Variants in CELF2 observed in about 807,000 individuals in gnomAD.
The protein encoded by CELF2 is CUGBP Elav-like family member 2, also known as CUG triplet repeat RNA-binding protein 2.
A neutral mutation model predicts 62.6 loss-of-function variants in CELF2; 8 were observed. That is an observed-to-expected ratio of 0.13 (90% CI 0.07 to 0.23). The LOEUF (loss-of-function observed/expected upper bound fraction) is 0.23, where lower values mean the gene tolerates loss of function less well. CELF2 is among the 10% of genes least tolerant of loss of function. CELF2 has a pLI of 1.00. For missense variants in CELF2, 333 were observed against 671.0 expected (o/e 0.50, Z 5.56); for synonymous variants, 258 against 250.0 (o/e 1.03, Z -0.30).
At chr10:10,753,799 A>C in the CELF2 span, among the ~76,000 whole-genome samples, 1 of 152,190 alleles carries the variant, frequency 6.6e-6, no homozygotes, top group Non-Finnish European at 1.5e-5. Context: ...CTATAGAAAA[A>C]ACATGGCCCC....
At chr10:11,122,694 C>G (rs1407750764) in intron 1 of CELF2, among the ~76,000 whole-genome samples, 1 of 152,188 alleles carries the variant, frequency 6.6e-6, no homozygotes, top group East Asian at 1.9e-4. Flanking sequence ...AACAAGCAGT[C>G]GTGAAAGAAA....
chr10:10,533,204 C>T, the CELF2 span, among the ~76,000 whole-genome samples: 4 of 152,054 alleles, frequency 2.6e-5, no homozygotes, highest in Non-Finnish European at 4.4e-5. Flanking sequence ...GGCTTAAATA[C>T]AGAGATGTGT....
At chr10:10,892,820 A>G (rs1167437325) in intron 1 of CELF2, among the ~76,000 whole-genome samples, 1 of 152,204 alleles carries the variant, frequency 6.6e-6, no homozygotes, top group African/African-American at 2.4e-5. Flanking sequence ...CATAGAGGAG[A>G]GAAAGCACAC....
chr10:10,902,777 A>AGGGAGGAGAG (rs1288541423), intron 1 of CELF2, among the ~76,000 whole-genome samples: 2 of 149,134 alleles, frequency 1.3e-5, no homozygotes, highest in African/African-American at 2.5e-5. Flanking sequence ...GAAAGGAGGG[A>AGGGAGGAGAG]GGGAGGAGAG....
rs2066372592 is a variant in CELF2, at chr10:10,934,020, C to T, written c.89+14021C>T. 6.6e-6 allele frequency among the ~76,000 whole-genome samples: 1 copy of T among 152,194 alleles called. No homozygotes were observed. Among genetic ancestry groups the T allele is most frequent in the African/African-American group, 2.4e-5 (1 of 41,434 alleles). The stretch of plus-strand genomic sequence containing the variant: ...TTTAGATTTTTAAGAAACCTCCATA[C>T]TGATTTCCGTAATGGCTATGCTAAT... On this transcript the variant is annotated intron_variant, in intron 2 of 13. Transcript: ENST00000636488. This position sits in a 1 kb window ranked among gnomAD's most constrained non-coding sequence, Gnocchi z 4.4.
At chr10:10,758,007 A>G in the CELF2 span, among the ~76,000 whole-genome samples, 1 of 152,322 alleles carries the variant, frequency 6.6e-6, no homozygotes, top group Admixed American at 6.5e-5. Flanking sequence ...CAGGTATCAC[A>G]AATAAAATGT....
chr10:11,020,153 A>G (rs948510773), intron 1 of CELF2, among the ~76,000 whole-genome samples: 3 of 152,216 alleles, frequency 2.0e-5, no homozygotes, highest in Non-Finnish European at 2.9e-5. Context: ...GGAGTCTCCT[A>G]TGAAAATCCT....
At chr10:11,077,705 A>G (rs1016506233) in intron 1 of CELF2, among the ~76,000 whole-genome samples, 2 of 152,214 alleles carry the variant, frequency 1.3e-5, no homozygotes, top group Non-Finnish European at 2.9e-5. Context: ...TGTAAGTGAG[A>G]TACATTGAAG....
At chr10:11,200,712 G>T (rs1238051885) in intron 2 of CELF2, among the ~76,000 whole-genome samples, 1 of 152,218 alleles carries the variant, frequency 6.6e-6, no homozygotes, top group Non-Finnish European at 1.5e-5. Context: ...CTGCTGGTAG[G>T]TTGGAGAAGC....
intron 1 of CELF2, among the ~76,000 whole-genome samples, chr10:11,025,287 G>A (rs1408860885): frequency 6.7e-6 from 1 of 149,932 alleles, no homozygotes; most frequent in East Asian, 2.0e-4. Flanking sequence ...TTGGACATAT[G>A]GTTAGGCTTT....
chr10:11,094,857 T>C (rs2049346741), intron 1 of CELF2, among the ~76,000 whole-genome samples: 1 of 152,208 alleles, frequency 6.6e-6, no homozygotes, highest in South Asian at 2.1e-4. Context: ...ACAAGAACTC[T>C]AGTGCAAAAC....
chr10:10,588,820 T>C, the CELF2 span, among the ~76,000 whole-genome samples: 1 of 152,206 alleles, frequency 6.6e-6, no homozygotes, highest in Non-Finnish European at 1.5e-5. Context: ...GGAAACAGAC[T>C]CCTCTATCCT....
intron 1 of CELF2, among the ~76,000 whole-genome samples, chr10:10,859,514 G>C (rs75644797): frequency 0.015 from 2,350 of 152,170 alleles, 77 homozygotes; most frequent in African/African-American, 0.054. Flanking sequence ...GGGGAGAAGA[G>C]AGATTTAGAT....
At chr10:10,897,482 C>A (rs1171550189) in intron 1 of CELF2, among the ~76,000 whole-genome samples, 2 of 152,100 alleles carry the variant, frequency 1.3e-5, no homozygotes, top group East Asian at 3.9e-4. Context: ...GAGGGAGTAA[C>A]TATTAAACAA....
At chr10:11,072,720 T>C (rs1218675343) in intron 1 of CELF2, among the ~76,000 whole-genome samples, 6 of 152,168 alleles carry the variant, frequency 3.9e-5, no homozygotes, top group Admixed American at 6.5e-5. Context: ...CTGTAGATGG[T>C]GACCCTTAAG....
the CELF2 span, among the ~76,000 whole-genome samples, chr10:10,770,484 C>T: frequency 6.6e-6 from 1 of 151,710 alleles, no homozygotes; most frequent in African/African-American, 2.4e-5. Flanking sequence ...TTCAGGCCAG[C>T]AGAAAATTAG....
chr10:10,740,033 T>C, the CELF2 span, among the ~76,000 whole-genome samples: 1 of 152,148 alleles, frequency 6.6e-6, no homozygotes, highest in Non-Finnish European at 1.5e-5. Context: ...ATTAGATACA[T>C]GGTTTGCAAA....
rs1337267584 is a variant in CELF2 at position 11,318,838 on chromosome 10, T to C, written c.1097-2351T>C. On this transcript the variant is annotated intron_variant, in intron 10 of 12. Transcript: ENST00000633077. This position sits in a 1 kb window ranked among gnomAD's most constrained non-coding sequence, Gnocchi z 5.4. ...AATGCCACCTGTGTATCTGGCACTC[T>C]GGAGAAGCCGAGTCGTGGAGGCTGC... 1 of 471,268 alleles carries C rather than the reference T, an allele frequency of 2.1e-6. No individual in the cohort carries two copies. The highest frequency in any genetic ancestry group is 2.3e-5 in the Admixed American group (1 of 42,588). The allele number at this position is 471,268 out of a possible 1,614,324, so 29.2% of individuals were successfully genotyped here.
intron 1 of CELF2, among the ~76,000 whole-genome samples, chr10:11,081,803 A>G (rs11598297): frequency 0.25 from 38,139 of 152,096 alleles, 5,055 homozygotes; most frequent in Middle Eastern, 0.3. Context: ...CTTCCTTGAT[A>G]TTCTTTACCT....
Sources: allele counts gnomAD v4.1 joint callset (sites outside exome capture counted in the v4.1 genomes callset), GRCh38; gene constraint gnomAD v4.1.1; non-coding constraint Gnocchi (gnomAD v3.1); transcripts MANE v1.5; gene names NCBI Gene and HGNC (gene_info 2026-07-23, HGNC 2026-07-21).